Variants in WDR41 observed in about 807,000 individuals in gnomAD.
The protein encoded by WDR41 is WD repeat-containing protein 41.
Under a neutral mutation model 69.3 loss-of-function variants are expected in WDR41, and 63 were observed. That is an observed-to-expected ratio of 0.91 (90% confidence interval 0.74 to 1.12). WDR41 has a LOEUF of 1.12. Among genes scored for constraint, WDR41 ranks in the 50% most tolerant of loss-of-function variants. WDR41 has a pLI of 0.00. For synonymous variants in WDR41, 185 were observed against 192.1 expected (o/e 0.96, Z 0.31); for missense variants, 543 against 534.5 (o/e 1.02, Z -0.16).
chr5:77,449,682 T>C, intron 8 of WDR41, 78 bp downstream of exon 8: 1 of 909,910 alleles, frequency 1.1e-6, no homozygotes, highest in Non-Finnish European at 1.7e-6. Flanking sequence ...ATCCCAGAAC[T>C]AAGCAAGGCT....
At chr5:77,511,854 G>T (rs1465996426) in intron 1 of WDR41, among the ~76,000 whole-genome samples, 1 of 151,164 alleles carries the variant, frequency 6.6e-6, no homozygotes, top group Non-Finnish European at 1.5e-5. Context: ...GTTAAGTTTC[G>T]ATTCTTACCG....
At position 77,453,870 on chromosome 5, in the gene WDR41, A is replaced by G; in HGVS notation, c.470T>C (p.Val157Ala). Residue 157 changes from valine to alanine, a missense_variant, in exon 6 of 13, where the codon GTG becomes GCG. Val to Ala is a moderately conservative substitution (Grantham distance 64). Transcript: ENST00000296679. ...VWLSGGNDLC[V>A]WNRKLDLLCK... The stretch of plus-strand genomic sequence containing the variant: ...CAGGAGATCTAATTTTCGGTTCCAC[A>G]CACACAGGTCATTCCCACCAGAAAG... 5 of 1,614,124 alleles carry G rather than the reference A, an allele frequency of 3.1e-6. No individual in the cohort carries two copies. The highest frequency in any genetic ancestry group is 4.2e-6 in the Non-Finnish European group (5 of 1,180,012).
intron 1 of WDR41, among the ~76,000 whole-genome samples, chr5:77,605,346 C>T (rs1289709486): frequency 6.6e-6 from 1 of 152,224 alleles, no homozygotes; most frequent in Non-Finnish European, 1.5e-5. Context: ...CCATAAATCA[C>T]TTCTCTGCCA....
chr5:77,581,764 A>C (rs1053214359), intron 1 of WDR41, among the ~76,000 whole-genome samples: 2 of 152,212 alleles, frequency 1.3e-5, no homozygotes, highest in Non-Finnish European at 2.9e-5. Context: ...CTTAAAGAAG[A>C]AATCAAAAAG....
chr5:77,445,877 C>G lies in WDR41; in HGVS notation c.697+3883G>C, dbSNP rs562958847. On this transcript the variant is annotated intron_variant, in intron 8 of 12. Coordinates refer to ENST00000296679, the MANE Select transcript of WDR41 (RefSeq NM_018268.4). Reference sequence around the variant, plus strand: ...GAAACCTGGTACAGAACAAGGATGCCCTCTCTCACCACTCCTATTCAACAT... The same window carrying G: ...GAAACCTGGTACAGAACAAGGATGCGCTCTCTCACCACTCCTATTCAACAT... Among the ~76,000 whole-genome samples the G allele has an allele frequency of 3.3e-5, 5 of 152,180 alleles. No homozygotes were observed. The South Asian group carries it at 1.0e-3, about 32-fold the overall frequency.
chr5:77,591,686 CA>C (rs1744140566), intron 1 of WDR41, among the ~76,000 whole-genome samples: 1 of 151,972 alleles, frequency 6.6e-6, no homozygotes, highest in South Asian at 2.1e-4. Context: ...ATCCAATTTC[CA>C]AATGTTTGGG....
intron 2 of WDR41, among the ~76,000 whole-genome samples, chr5:77,483,481 C>CGTGTGTGTGT (rs35574463): frequency 7.7e-5 from 11 of 143,356 alleles, no homozygotes; most frequent in Non-Finnish European, 1.2e-4. Context: ...CCTGAATACT[C>CGTGTGTGTGT]GTGTGTGTGT....
chr5:77,479,455 G>C (rs1284716022), intron 2 of WDR41, among the ~76,000 whole-genome samples: 2 of 152,000 alleles, frequency 1.3e-5, no homozygotes, highest in South Asian at 4.1e-4. Flanking sequence ...AAACAGCATG[G>C]TACTGGTACC....
intron 2 of WDR41, among the ~76,000 whole-genome samples, chr5:77,467,092 T>TAG (rs1800338763): frequency 6.6e-6 from 1 of 151,844 alleles, no homozygotes; most frequent in Non-Finnish European, 1.5e-5. Flanking sequence ...AACCCAAGAA[T>TAG]TCCTAATTGT....
intron 1 of WDR41, among the ~76,000 whole-genome samples, chr5:77,602,360 G>A (rs1410376752): frequency 2.0e-5 from 3 of 151,960 alleles, no homozygotes; most frequent in East Asian, 3.9e-4. Context: ...GGCTGGTCTC[G>A]AACTCCCAAC....
intron 1 of WDR41, among the ~76,000 whole-genome samples, chr5:77,498,898 C>A (rs1299819516): frequency 1.3e-5 from 2 of 151,254 alleles, no homozygotes; most frequent in African/African-American, 4.9e-5. Flanking sequence ...AAAGTACAAT[C>A]CATAAAAGAA....
At chr5:77,488,126 C>A (rs995468418) in intron 2 of WDR41, among the ~76,000 whole-genome samples, 1 of 152,222 alleles carries the variant, frequency 6.6e-6, no homozygotes. Context: ...ACAGCAGGAA[C>A]TTGTAGCCAG....
At chr5:77,471,703 T>A (rs1279885767) in intron 2 of WDR41, among the ~76,000 whole-genome samples, 3 of 152,072 alleles carry the variant, frequency 2.0e-5, no homozygotes, top group Non-Finnish European at 4.4e-5. Context: ...CCTTGACACA[T>A]ACACCCTCCC....
intron 12 of WDR41, 124 bp downstream of exon 12, chr5:77,436,137 A>G (rs989716318): frequency 1.6e-6 from 2 of 1,278,884 alleles, no homozygotes; most frequent in East Asian, 2.5e-5. Context: ...TTCCATGTTC[A>G]GATCTGACAA....
At chr5:77,605,623 G>T (rs374086332) in intron 1 of WDR41, among the ~76,000 whole-genome samples, 12 of 152,326 alleles carry the variant, frequency 7.9e-5, no homozygotes, top group South Asian at 4.1e-4. Flanking sequence ...CAAAGGCTCA[G>T]ATAGGACTGG....
At chr5:77,477,323 C>T (rs182873197) in intron 2 of WDR41, among the ~76,000 whole-genome samples, 5,535 of 149,652 alleles carry the variant, frequency 0.037, 115 homozygotes, top group Middle Eastern at 0.1. Context: ...ACCAAGCAGA[C>T]CTAATAGACA....
chr5:77,608,192 C>G (rs904970275), intron 1 of WDR41, among the ~76,000 whole-genome samples: 1 of 152,198 alleles, frequency 6.6e-6, no homozygotes, highest in Non-Finnish European at 1.5e-5. Context: ...TTGAGATGAC[C>G]TATTTCATAC....
chr5:77,508,033 C>T (rs1038924011), intron 1 of WDR41, among the ~76,000 whole-genome samples: 3 of 152,072 alleles, frequency 2.0e-5, no homozygotes, highest in African/African-American at 7.2e-5. Context: ...TACTGAGCCT[C>T]TCCAGTAAAT....
upstream of WDR41, among the ~76,000 whole-genome samples, chr5:77,493,578 C>T (rs1032567085): frequency 3.9e-5 from 6 of 152,138 alleles, no homozygotes; most frequent in South Asian, 2.1e-4. Context: ...TGAGTGCACT[C>T]GGCAAGAACA....
Sources: allele counts gnomAD v4.1 joint callset (sites outside exome capture counted in the v4.1 genomes callset), GRCh38; gene constraint gnomAD v4.1.1; transcripts MANE v1.5; gene names NCBI Gene and HGNC (gene_info 2026-07-23, HGNC 2026-07-21).